ZKSCAN1: variants seen among roughly 807,000 people sequenced by gnomAD.
The protein encoded by ZKSCAN1 is zinc finger with KRAB and SCAN domains 1.
A neutral mutation model predicts 51.6 loss-of-function variants in ZKSCAN1; 14 were observed. The ratio of observed to expected loss-of-function variants is 0.27; its 90% CI spans 0.18 to 0.42. The LOEUF is 0.42. ZKSCAN1 is among the 10% of genes least tolerant of loss of function. ZKSCAN1 has a pLI of 1.00. For missense variants in ZKSCAN1, 531 were observed against 710.0 expected, an observed-to-expected ratio of 0.75 and a Z score of 2.86; for synonymous variants, 263 against 261.5, an observed-to-expected ratio of 1.01 and a Z score of -0.06.
chr7:100,017,148 A>C (rs1790402120), intron 1 of ZKSCAN1, among the ~76,000 whole-genome samples: 1 of 152,098 alleles, frequency 6.6e-6, no homozygotes, highest in Non-Finnish European at 1.5e-5. Flanking sequence ...CTTTTAAGGT[A>C]GCTTTTTCAT....
Position 100,034,678 on chromosome 7 carries a change from T to A in ZKSCAN1, c.*481T>A, listed in dbSNP as rs1791272136. On this transcript the variant is annotated 3_prime_UTR_variant, in exon 6 of 6. Coordinates refer to ENST00000324306, the MANE Select transcript of ZKSCAN1 (RefSeq NM_003439.4). ...AAACAAAAACGACATTGGGACATGC[T>A]GCTCAAGGTAGTTATATATACGATA... 4 of 477,748 alleles carry A rather than the reference T, an allele frequency of 8.4e-6. No homozygotes were observed. Among genetic ancestry groups the A allele is most frequent in the Non-Finnish European group, 1.1e-5 (4 of 364,178 alleles). The allele number at this position is 477,748 out of a possible 1,614,324, so 29.6% of individuals were successfully genotyped here.
downstream of ZKSCAN1, chr7:100,041,758 G>A: frequency 1.0e-6 from 1 of 984,422 alleles, no homozygotes; most frequent in African/African-American, 1.7e-5. Context: ...CACATTGGGG[G>A]TGAAGAAAAA....
In ZKSCAN1 at chr7:100,037,627, A is replaced by T. The variant is rs1791419050; in HGVS notation, c.*3430A>T. 2 of 985,474 alleles carry T rather than the reference A, an allele frequency of 2.0e-6. No individual in the cohort carries two copies. Among genetic ancestry groups the T allele is most frequent in the Non-Finnish European group, 2.4e-6 (2 of 829,934 alleles). The allele number at this position is 985,474 out of a possible 1,614,324, so 61.0% of individuals were successfully genotyped here. A position where few individuals can be genotyped will look rare whatever the true frequency, so the allele number is the denominator to read the frequency against. On this transcript the variant is annotated 3_prime_UTR_variant, in exon 6 of 6. Transcript: ENST00000324306. The stretch of plus-strand genomic sequence containing the variant: ...ATAAACTTGATGAATATTATATGTG[A>T]GGAAAACTTTCATGTATAGCACTCA...
intron 3 of ZKSCAN1, among the ~76,000 whole-genome samples, chr7:100,029,383 C>G (rs981803380): frequency 2.0e-5 from 3 of 152,122 alleles, no homozygotes; most frequent in Non-Finnish European, 4.4e-5. Context: ...CCTCACCTGC[C>G]ACTAAAGATT....
chr7:100,017,456 C>G (rs1372594821), intron 1 of ZKSCAN1, among the ~76,000 whole-genome samples: 1 of 152,208 alleles, frequency 6.6e-6, no homozygotes, highest in Non-Finnish European at 1.5e-5. Context: ...CGCCTGATCT[C>G]AGGCAGTCCG....
intron 1 of ZKSCAN1, among the ~76,000 whole-genome samples, chr7:100,022,426 A>G (rs779928630): frequency 3.3e-5 from 5 of 152,256 alleles, no homozygotes; most frequent in Non-Finnish European, 5.9e-5. Context: ...AATGTCTAAA[A>G]TGAACAACAC....
Position 100,033,022 on chromosome 7 carries a change from G to A in ZKSCAN1, c.800-283G>A, listed in dbSNP as rs1791179329. 6.7e-6 allele frequency among the ~76,000 whole-genome samples: 1 copy of A among 148,422 alleles called. No homozygotes were observed. The highest frequency in any genetic ancestry group is 2.5e-5 in the African/African-American group (1 of 40,272). ...GACTCCATCTCAAAAAAAAAAAAAA[G>A]TTACCCGGGCGTGGTAGCATGCACC... On this transcript the variant is annotated intron_variant, in intron 5 of 5. Coordinates refer to ENST00000324306, the MANE Select transcript of ZKSCAN1 (RefSeq NM_003439.4). This position sits in a 1 kb window ranked among gnomAD's most constrained non-coding sequence, Gnocchi z 4.1.
Position 100,023,950 on chromosome 7 carries a change from C to T in ZKSCAN1, c.426+18C>T, listed in dbSNP as rs757609317. On this transcript the variant is annotated intron_variant, in intron 2 of 5. Transcript: ENST00000324306. ...GACAACAGGTAAAAAGAGGTGAAAC[C>T]TATTATGTGTGAGCAGGGCACAGAC... 6.2e-5 allele frequency: 96 copies of T among 1,557,478 alleles called. No homozygotes were observed. Among genetic ancestry groups the T allele is most frequent in the Non-Finnish European group, 8.0e-5 (93 of 1,159,014 alleles).
At chr7:100,030,969 G>A (rs1791080665) in intron 5 of ZKSCAN1, among the ~76,000 whole-genome samples, 1 of 152,150 alleles carries the variant, frequency 6.6e-6, no homozygotes, top group African/African-American at 2.4e-5. Flanking sequence ...TCTGGGTCCT[G>A]GATGTGTAGT....
At chr7:100,024,769 A>C (rs542990401) in intron 3 of ZKSCAN1, 3 of 156,494 alleles carry the variant, frequency 1.9e-5, no homozygotes, top group African/African-American at 7.3e-5. Context: ...GCATGGTGGC[A>C]CATTCCTGTA....
intron 3 of ZKSCAN1, among the ~76,000 whole-genome samples, chr7:100,027,516 C>T (rs552040365): frequency 9.3e-5 from 14 of 151,298 alleles, no homozygotes; most frequent in Admixed American, 9.2e-4. Context: ...TTTGGGAAGC[C>T]GAGGCAGGAG....
At chr7:100,023,088 A>G (rs111226998) in intron 1 of ZKSCAN1, among the ~76,000 whole-genome samples, 43 of 151,710 alleles carry the variant, frequency 2.8e-4, no homozygotes, top group African/African-American at 9.9e-4. Context: ...TCGGCTCACT[A>G]CAACCTCCAC....
intron 5 of ZKSCAN1, among the ~76,000 whole-genome samples, chr7:100,030,855 A>C (rs1268298534): frequency 3.3e-5 from 5 of 152,210 alleles, no homozygotes; most frequent in African/African-American, 1.2e-4. Context: ...GATTAGTGTG[A>C]TTCCAATACA....
intron 3 of ZKSCAN1, among the ~76,000 whole-genome samples, chr7:100,027,493 G>C (rs1448857835): frequency 2.0e-5 from 3 of 151,500 alleles, no homozygotes; most frequent in African/African-American, 7.3e-5. Flanking sequence ...GCTCACGCCT[G>C]TAATTCCAGC....
At chr7:100,024,577 G>T in intron 3 of ZKSCAN1, 1 of 377,862 alleles carries the variant, frequency 2.6e-6, no homozygotes, top group Non-Finnish European at 4.9e-6. Flanking sequence ...GGGCAACACA[G>T]CAAGGACCCT....
Position 100,023,743 on chromosome 7 carries a change from A to G in ZKSCAN1, c.237A>G (p.Glu79=). The G allele has an allele frequency of 6.2e-7, 1 of 1,614,178 alleles. No homozygotes were observed. Residue 79 remains glutamate (E), a synonymous_variant, in exon 2 of 6, where the codon GAA becomes GAG. Coordinates refer to ENST00000324306, the MANE Select transcript of ZKSCAN1 (RefSeq NM_003439.4). The stretch of plus-strand genomic sequence containing the variant: ...GAGAGGCTCTCAGTCGGCTGAAGGA[A>G]CTTTGTCATCAGTGGCTGCGGCCAG... ...GPREALSRLK[E]LCHQWLRPEI... is the part of the protein sequence containing the mutation.
At chr7:100,041,738 T>G, downstream of ZKSCAN1, 1 of 985,390 alleles carries the variant, frequency 1.0e-6, no homozygotes, top group Non-Finnish European at 1.2e-6. Flanking sequence ...CATCCTTGGT[T>G]GCATAAATAC....
chr7:100,035,762 T>G lies in ZKSCAN1; in HGVS notation c.*1565T>G, dbSNP rs6955348. The G allele has an allele frequency of 0.14, 115,251 of 833,502 alleles. 8,847 individuals are homozygous for G. Among genetic ancestry groups the G allele is most frequent in the Non-Finnish European group, 0.15 (106,368 of 691,272 alleles). 51.6% of individuals were successfully genotyped at this position (833,502 alleles called of 1,614,324 possible). A position where few individuals can be genotyped will look rare whatever the true frequency, so the allele number is the denominator to read the frequency against. ...CTTATCACTAAAGACTGAGGTGAGG[T>G]TATGAAACTTTCATTGGTCCCATCG... On this transcript the variant is annotated 3_prime_UTR_variant, in exon 6 of 6. Coordinates refer to ENST00000324306, the MANE Select transcript of ZKSCAN1 (RefSeq NM_003439.4).
intron 3 of ZKSCAN1, chr7:100,024,575 C>T (rs967984327): frequency 5.2e-6 from 2 of 383,818 alleles, no homozygotes; most frequent in Non-Finnish European, 9.5e-6. Flanking sequence ...CTGGGCAACA[C>T]AGCAAGGACC....
Sources: gnomAD v4.1 joint callset for allele counts (sites outside exome capture counted in the v4.1 genomes callset) on GRCh38, gnomAD v4.1.1 for gene constraint, Gnocchi (gnomAD v3.1) non-coding constraint, MANE v1.5 for transcripts, NCBI Gene and HGNC (gene_info 2026-07-23, HGNC 2026-07-21) for gene names.